Variants in LRRC37B observed in about 807,000 individuals in gnomAD.
LRRC37B encodes leucine-rich repeat-containing protein 37B.
Under a neutral mutation model 98.3 loss-of-function variants are expected in LRRC37B, and 28 were observed. That is an observed-to-expected ratio of 0.28 (90% CI 0.21 to 0.39). LRRC37B has a LOEUF of 0.39. Ranked by LOEUF, LRRC37B falls within the 10% of genes least tolerant of loss-of-function variation. The pLI is 1.00. For missense variants in LRRC37B, 938 were observed against 1,182.7 expected (o/e 0.79, Z 3.03); for synonymous variants, 364 against 442.7 (o/e 0.82, Z 2.23).
At chr17:32,020,448 C>T (rs1910738203), upstream of LRRC37B, among the ~76,000 whole-genome samples, 1 of 152,010 alleles carries the variant, frequency 6.6e-6, no homozygotes, top group Non-Finnish European at 1.5e-5. Context: ...ACAGTTCAGC[C>T]TCCTCCCAGG....
intron 1 of LRRC37B, among the ~76,000 whole-genome samples, chr17:32,010,925 C>T (rs943029940): frequency 6.6e-6 from 1 of 152,160 alleles, no homozygotes; most frequent in Non-Finnish European, 1.5e-5. Flanking sequence ...AACATAATGT[C>T]CTCCAGTTCT....
chr17:32,030,634 A>G (rs373258467), intron 3 of LRRC37B, 22 bp from the exon 7 acceptor site: 76 of 1,435,850 alleles, frequency 5.3e-5, no homozygotes, highest in East Asian at 1.7e-4. Context: ...TCAAGGCAAT[A>G]TTTTCCTTTT....
At chr17:32,024,025 G>C (rs1367341399) in intron 1 of LRRC37B, among the ~76,000 whole-genome samples, 1 of 151,734 alleles carries the variant, frequency 6.6e-6, no homozygotes, top group Non-Finnish European at 1.5e-5. Flanking sequence ...GAAAGCCATT[G>C]AAAGTTTCCA....
intron 9 of LRRC37B, chr17:32,048,830 C>T (rs539252998): frequency 8.9e-6 from 12 of 1,349,354 alleles, no homozygotes; most frequent in Admixed American, 8.5e-5. Flanking sequence ...AGAAAACCCT[C>T]TTCTGGAAGT....
exon 10 of LRRC37B, chr17:32,049,153 A>G (rs758574533): frequency 4.3e-6 from 7 of 1,613,852 alleles, no homozygotes; most frequent in East Asian, 4.5e-5. Flanking sequence ...CTCATCCCCA[A>G]CGAGGATGTG....
intron 2 of LRRC37B, among the ~76,000 whole-genome samples, chr17:32,026,207 G>A (rs11867622): frequency 2.6e-5 from 4 of 152,176 alleles, no homozygotes; most frequent in South Asian, 2.1e-4. Context: ...AGACATACAT[G>A]AGTTCTAAAT....
At chr17:32,050,012 G>C in exon 11 of LRRC37B, 1 of 1,472,202 alleles carries the variant, frequency 6.8e-7, no homozygotes, top group Non-Finnish European at 9.2e-7. Context: ...GCTCATGAAA[G>C]AAGTTCCAGG....
intron 1 of LRRC37B, among the ~76,000 whole-genome samples, chr17:32,012,504 G>C (rs1315289690): frequency 6.6e-6 from 1 of 151,866 alleles, no homozygotes; most frequent in African/African-American, 2.4e-5. Flanking sequence ...ATCACCTGAG[G>C]TCAGGAGTTC....
chr17:32,012,234 G>A (rs1910539809), intron 1 of LRRC37B, among the ~76,000 whole-genome samples: 1 of 152,164 alleles, frequency 6.6e-6, no homozygotes, highest in Non-Finnish European at 1.5e-5. Context: ...AGAAAGGAGT[G>A]TTGAAGTCTA....
intron 7 of LRRC37B, chr17:32,041,661 G>A (rs755805184): frequency 2.2e-6 from 1 of 459,772 alleles, no homozygotes; most frequent in Non-Finnish European, 4.4e-6. Flanking sequence ...GGCCCTTGAG[G>A]TACTCCCTCA....
At chr17:32,039,480 AT>A (rs1267696284) in intron 7 of LRRC37B, among the ~76,000 whole-genome samples, 2 of 11,470 alleles carry the variant, frequency 1.7e-4, no homozygotes, top group Admixed American at 1.5e-3. Flanking sequence ...CTGCCTAAAA[AT>A]ATATATATAT....
At chr17:32,041,527 A>T (rs752415932) in intron 7 of LRRC37B, 1 of 529,280 alleles carries the variant, frequency 1.9e-6, no homozygotes, top group South Asian at 1.5e-5. Context: ...CTGCCCAGTG[A>T]CTCACTGGTG....
At chr17:32,035,686 G>T in intron 7 of LRRC37B, 47 bp downstream of exon 10, 2 of 1,535,324 alleles carry the variant, frequency 1.3e-6, no homozygotes, top group East Asian at 2.3e-5. Context: ...TGGTTTTTTA[G>T]GTTTGTTTTA....
intron 9 of LRRC37B, 138 bp from the exon 13 acceptor site, chr17:32,048,964 A>G (rs1017440162): frequency 1.9e-4 from 282 of 1,454,804 alleles, no homozygotes; most frequent in Non-Finnish European, 2.6e-4. Flanking sequence ...CATCCTCCTG[A>G]GGCAGTTTCC....
At chr17:32,010,770 A>G (rs1910507015) in intron 1 of LRRC37B, among the ~76,000 whole-genome samples, 1 of 152,224 alleles carries the variant, frequency 6.6e-6, no homozygotes, top group African/African-American at 2.4e-5. Flanking sequence ...ATGCCCATCA[A>G]TCAACTTGTC....
At chr17:32,011,273 G>A (rs1330774071) in intron 1 of LRRC37B, among the ~76,000 whole-genome samples, 1 of 152,150 alleles carries the variant, frequency 6.6e-6, no homozygotes, top group Non-Finnish European at 1.5e-5. Context: ...GGGATTACAG[G>A]TGTGAGCCAC....
exon 10 of LRRC37B, chr17:32,049,296 A>C: frequency 1.9e-6 from 3 of 1,613,870 alleles, no homozygotes; most frequent in Non-Finnish European, 2.5e-6. Flanking sequence ...GCAGGAAGCA[A>C]AGGCATTGAA....
At chr17:32,014,711 T>C (rs1225482881) in intron 1 of LRRC37B, among the ~76,000 whole-genome samples, 7 of 152,218 alleles carry the variant, frequency 4.6e-5, no homozygotes, top group African/African-American at 1.7e-4. Context: ...TATAGATAGA[T>C]AGATAGATAG....
intron 7 of LRRC37B, among the ~76,000 whole-genome samples, chr17:32,039,113 G>A (rs2142254701): frequency 6.6e-6 from 1 of 151,984 alleles, no homozygotes; most frequent in East Asian, 1.9e-4. Flanking sequence ...TATGGTGTGA[G>A]GTTTATTGTT....
Sources: allele counts gnomAD v4.1 joint callset (sites outside exome capture counted in the v4.1 genomes callset), GRCh38; gene constraint gnomAD v4.1.1; transcripts MANE v1.5; gene names NCBI Gene and HGNC (gene_info 2026-07-23, HGNC 2026-07-21).